Variants in PGCKA1 observed in about 807,000 individuals in gnomAD.
PGCKA1 encodes the protein PDCD10 and GCKIII kinases-associated protein 1.
At chr4:37,535,080 G>C in the PGCKA1 span, among the ~76,000 whole-genome samples, 1 of 152,226 alleles carries the variant, frequency 6.6e-6, no homozygotes, top group Non-Finnish European at 1.5e-5. Context: ...AATCCAGCTA[G>C]AGGCATCCAG....
the PGCKA1 span, among the ~76,000 whole-genome samples, chr4:37,497,109 A>C: frequency 2.6e-4 from 39 of 152,112 alleles, no homozygotes; most frequent in African/African-American, 9.4e-4. Flanking sequence ...CCAAGTCCCC[A>C]AAGTCCATTG....
the PGCKA1 span, among the ~76,000 whole-genome samples, chr4:37,468,806 T>C: frequency 0.28 from 42,157 of 152,028 alleles, 6,121 homozygotes; most frequent in Non-Finnish European, 0.32. Context: ...AGTTTTCTTT[T>C]CCAATAGTTA....
At chr4:37,471,049 T>G in the PGCKA1 span, among the ~76,000 whole-genome samples, 4 of 152,228 alleles carry the variant, frequency 2.6e-5, no homozygotes, top group African/African-American at 9.6e-5. Flanking sequence ...ATTATTGAAT[T>G]CTATACTCCC....
the PGCKA1 span, among the ~76,000 whole-genome samples, chr4:37,472,412 T>A: frequency 6.6e-6 from 1 of 152,206 alleles, no homozygotes; most frequent in African/African-American, 2.4e-5. Context: ...TAAGGGGTGT[T>A]GAAAAAATTT....
the PGCKA1 span, among the ~76,000 whole-genome samples, chr4:37,491,356 A>G: frequency 1.8e-4 from 27 of 152,336 alleles, no homozygotes; most frequent in East Asian, 5.0e-3. Flanking sequence ...AAAATATTCA[A>G]TTTACATTAT....
chr4:37,501,433 T>C, the PGCKA1 span, among the ~76,000 whole-genome samples: 3 of 152,044 alleles, frequency 2.0e-5, no homozygotes, highest in Non-Finnish European at 4.4e-5. Flanking sequence ...ATCTAACTAA[T>C]GCCTGATAAC....
chr4:37,481,334 G>A, the PGCKA1 span, among the ~76,000 whole-genome samples: 33 of 151,690 alleles, frequency 2.2e-4, 1 homozygote, highest in Admixed American at 1.5e-3. Context: ...ACATGATGGC[G>A]TGCACCTGTA....
the PGCKA1 span, among the ~76,000 whole-genome samples, chr4:37,527,816 A>T: frequency 6.9e-6 from 1 of 145,754 alleles, no homozygotes; most frequent in Non-Finnish European, 1.5e-5. Context: ...GCGACAGAGC[A>T]AGACTCCGTC....
At chr4:37,503,914 C>T in the PGCKA1 span, among the ~76,000 whole-genome samples, 146 of 152,084 alleles carry the variant, frequency 9.6e-4, no homozygotes, top group Middle Eastern at 6.8e-3. Context: ...TTGTCTCTTC[C>T]CTTTGTTGAT....
the PGCKA1 span, among the ~76,000 whole-genome samples, chr4:37,553,391 ATGTT>A: frequency 5.8e-4 from 80 of 137,414 alleles, no homozygotes; most frequent in Middle Eastern, 3.8e-3. Context: ...TTACCCCTGG[ATGTT>A]GTTAGTTTCA....
At chr4:37,496,763 C>T in the PGCKA1 span, among the ~76,000 whole-genome samples, 2 of 151,990 alleles carry the variant, frequency 1.3e-5, no homozygotes, top group Non-Finnish European at 2.9e-5. Context: ...TGTGTAATCT[C>T]TGATTTCTCT....
the PGCKA1 span, among the ~76,000 whole-genome samples, chr4:37,494,806 A>G: frequency 1.3e-5 from 2 of 152,220 alleles, no homozygotes; most frequent in South Asian, 2.1e-4. Context: ...TTGACTTTTA[A>G]TAATAGCCAT....
chr4:37,517,896 C>T, the PGCKA1 span, among the ~76,000 whole-genome samples: 3 of 152,138 alleles, frequency 2.0e-5, no homozygotes, highest in Non-Finnish European at 2.9e-5. Context: ...CCCCATCTCT[C>T]GCTCACATTC....
chr4:37,551,163 G>A, the PGCKA1 span, among the ~76,000 whole-genome samples: 3 of 152,244 alleles, frequency 2.0e-5, no homozygotes, highest in East Asian at 3.9e-4. Flanking sequence ...TGTGGACATA[G>A]AGCCTATGCT....
chr4:37,523,853 A>T, the PGCKA1 span, among the ~76,000 whole-genome samples: 1 of 152,224 alleles, frequency 6.6e-6, no homozygotes, highest in East Asian at 1.9e-4. Flanking sequence ...GGTGCATACA[A>T]GCAGAGAGAG....
the PGCKA1 span, among the ~76,000 whole-genome samples, chr4:37,554,617 G>A: frequency 6.6e-6 from 1 of 152,104 alleles, no homozygotes; most frequent in African/African-American, 2.4e-5. Flanking sequence ...CAAAGTGCTG[G>A]GATTACAGGT....
the PGCKA1 span, among the ~76,000 whole-genome samples, chr4:37,497,924 C>T: frequency 2.0e-5 from 3 of 151,988 alleles, no homozygotes; most frequent in East Asian, 5.8e-4. Flanking sequence ...ATTGCATTAG[C>T]TTTTGGGTTT....
At chr4:37,562,680 G>A in the PGCKA1 span, among the ~76,000 whole-genome samples, 21 of 152,078 alleles carry the variant, frequency 1.4e-4, no homozygotes, top group African/African-American at 4.8e-4. Flanking sequence ...CGGTTACTCC[G>A]GAGCTCCTTG....
the PGCKA1 span, among the ~76,000 whole-genome samples, chr4:37,570,145 A>G: frequency 1.0e-4 from 8 of 79,910 alleles, no homozygotes; most frequent in Non-Finnish European, 1.6e-4. Context: ...ACGCCTGGCT[A>G]ATTTTTTTTT....
Sources: allele counts gnomAD v4.1 joint callset (sites outside exome capture counted in the v4.1 genomes callset), GRCh38; gene constraint gnomAD v4.1.1; transcripts MANE v1.5; gene names NCBI Gene and HGNC (gene_info 2026-07-23, HGNC 2026-07-21).